FAT3: variants seen among roughly 807,000 people sequenced by gnomAD.
FAT3 encodes FAT atypical cadherin 3, also known as protocadherin Fat 3.
A neutral mutation model predicts 310.2 loss-of-function variants in FAT3; 95 were observed. The ratio of observed to expected loss-of-function variants is 0.31; its 90% CI spans 0.26 to 0.36. FAT3 has a LOEUF of 0.36. FAT3 is among the 10% of genes least tolerant of loss of function. FAT3 has a pLI of 1.00. For missense variants in FAT3, 5,408 were observed against 5,715.6 expected, an observed-to-expected ratio of 0.95 and a Z score of 1.74; for synonymous variants, 2,314 against 2,192.9, an observed-to-expected ratio of 1.06 and a Z score of -1.54.
chr11:92,661,836 T>A (rs1942794433), intron 3 of FAT3, among the ~76,000 whole-genome samples: 1 of 151,884 alleles, frequency 6.6e-6, no homozygotes, highest in Admixed American at 6.6e-5. Flanking sequence ...ATAGTTCAGG[T>A]GGAGATTGTG....
chr11:92,410,762 A>G (rs757928386), intron 2 of FAT3, among the ~76,000 whole-genome samples: 4 of 152,090 alleles, frequency 2.6e-5, no homozygotes, highest in Admixed American at 6.6e-5. Context: ...TTATTTGCTC[A>G]TTGACCTCCC....
chr11:92,359,997 T>G (rs1405281889), intron 2 of FAT3, among the ~76,000 whole-genome samples: 1 of 151,198 alleles, frequency 6.6e-6, no homozygotes, highest in African/African-American at 2.4e-5. Flanking sequence ...ATATACCCAG[T>G]AATGGGATGG....
intron 3 of FAT3, among the ~76,000 whole-genome samples, chr11:92,617,420 G>A (rs543525936): frequency 1.1e-4 from 16 of 152,196 alleles, no homozygotes; most frequent in South Asian, 2.1e-4. Flanking sequence ...AGATGGGTTC[G>A]AACTTCCCCC....
chr11:92,612,723 G>A (rs112630792), intron 3 of FAT3, among the ~76,000 whole-genome samples: 2 of 152,332 alleles, frequency 1.3e-5, no homozygotes, highest in African/African-American at 4.8e-5. Context: ...TCAAGGAAGT[G>A]CTGTGTGAAG....
At chr11:92,477,096 T>C (rs1952070133) in intron 2 of FAT3, among the ~76,000 whole-genome samples, 1 of 152,224 alleles carries the variant, frequency 6.6e-6, no homozygotes, top group African/African-American at 2.4e-5. Flanking sequence ...TTAATGAACT[T>C]TAGTAGTGAA....
At chr11:92,489,600 AAAG>A (rs1952541906) in intron 2 of FAT3, among the ~76,000 whole-genome samples, 2 of 152,090 alleles carry the variant, frequency 1.3e-5, no homozygotes, top group African/African-American at 4.8e-5. Flanking sequence ...AGTACAAAAA[AAAG>A]CAAAACATCT....
chr11:92,352,656 G>A lies in FAT3; in HGVS notation c.544G>A (p.Ala182Thr). The A allele has an allele frequency of 6.2e-7, 1 of 1,613,798 alleles. No homozygotes were observed. ...AAGGACTAGTGTTGCCCAGGTGACTGCAACAGACGCAGATATTGGTTCCAA... is the reference window on the plus strand; with the variant it reads ...AAGGACTAGTGTTGCCCAGGTGACTACAACAGACGCAGATATTGGTTCCAA... ...PLRTSVAQVT[A>T]TDADIGSNGE... Residue 182 changes from alanine to threonine, a missense_variant, in exon 2 of 28, where the codon GCA (alanine) becomes ACA (threonine). By Grantham distance (58) the Ala-to-Thr change is moderately conservative. Around this residue, in one of 5 missense-constraint regions of FAT3, gnomAD observed 4,588 missense variants for 4,809.8 expected, o/e 0.95. Coordinates refer to ENST00000525166, the MANE Select transcript of FAT3 (RefSeq NM_001367949.2).
chr11:92,323,618 A>T (rs1947686910), intron 1 of FAT3, among the ~76,000 whole-genome samples: 2 of 149,620 alleles, frequency 1.3e-5, no homozygotes, highest in South Asian at 4.2e-4. Context: ...AGTAGGTCTC[A>T]ACAATGAGCT....
At chr11:92,476,737 A>C (rs1188669796) in intron 2 of FAT3, among the ~76,000 whole-genome samples, 8 of 152,210 alleles carry the variant, frequency 5.3e-5, no homozygotes, top group African/African-American at 1.9e-4. Context: ...GAGAAAAGGG[A>C]GCCTCACATT....
At chr11:92,620,033 C>T (rs369448566) in intron 3 of FAT3, among the ~76,000 whole-genome samples, 55 of 152,142 alleles carry the variant, frequency 3.6e-4, no homozygotes, top group African/African-American at 1.3e-3. Flanking sequence ...TTGTGGGGTA[C>T]ATCTATGTTA....
chr11:92,632,525 G>A (rs1027861369), intron 3 of FAT3, among the ~76,000 whole-genome samples: 9 of 152,276 alleles, frequency 5.9e-5, no homozygotes, highest in East Asian at 1.9e-4. Flanking sequence ...TGTTGAACTC[G>A]ACCTGACTGC....
Position 92,493,621 on chromosome 11 carries a change from C to G in FAT3, c.3293-31013C>G, listed in dbSNP as rs1292763722. On this transcript the variant is annotated intron_variant, in intron 2 of 27. Transcript: ENST00000525166. Reference sequence around the variant, plus strand: ...GCTTCTTCCCATGTGTCACATAGCACTTGTAATACTTACAGTGTGTGTCCC... The same window carrying G: ...GCTTCTTCCCATGTGTCACATAGCAGTTGTAATACTTACAGTGTGTGTCCC... Among the ~76,000 whole-genome samples the G allele has an allele frequency of 2.6e-5, 4 of 152,054 alleles. No homozygotes were observed. In the East Asian group the frequency reaches 7.7e-4, roughly 29 times the overall value.
intron 4 of FAT3, among the ~76,000 whole-genome samples, chr11:92,705,265 A>G (rs1032733161): frequency 3.4e-4 from 51 of 151,832 alleles, no homozygotes; most frequent in Admixed American, 2.8e-3. Flanking sequence ...GGCCATTGAC[A>G]TTCCAAGTCT....
At chr11:92,225,398 G>A (rs897116679) in intron 1 of FAT3, among the ~76,000 whole-genome samples, 2 of 152,162 alleles carry the variant, frequency 1.3e-5, no homozygotes, top group Non-Finnish European at 2.9e-5. Flanking sequence ...GAAGAGGGTG[G>A]CTTGGCCCCG....
chr11:92,644,055 G>A (rs539162224), intron 3 of FAT3, among the ~76,000 whole-genome samples: 11 of 152,322 alleles, frequency 7.2e-5, no homozygotes, highest in African/African-American at 2.4e-4. Context: ...CCTTGTCAAT[G>A]CCTGGGTGCC....
chr11:92,448,475 A>G (rs978965334), intron 2 of FAT3, among the ~76,000 whole-genome samples: 10 of 152,160 alleles, frequency 6.6e-5, no homozygotes, highest in African/African-American at 2.2e-4. Context: ...ATTAAGACTG[A>G]CTTATCATTC....
chr11:92,807,414 T>A (rs1413319811), intron 12 of FAT3, among the ~76,000 whole-genome samples: 2 of 152,198 alleles, frequency 1.3e-5, no homozygotes, highest in African/African-American at 4.8e-5. Flanking sequence ...ATATGGGTAC[T>A]CTGGACCACA....
At chr11:92,778,969 A>G (rs77309312) in intron 7 of FAT3, among the ~76,000 whole-genome samples, 1 of 152,202 alleles carries the variant, frequency 6.6e-6, no homozygotes, top group Non-Finnish European at 1.5e-5. Flanking sequence ...GGGTACTACC[A>G]GTCTTAAACA....
chr11:92,456,415 A>G (rs1951493382), intron 2 of FAT3, among the ~76,000 whole-genome samples: 1 of 152,192 alleles, frequency 6.6e-6, no homozygotes, highest in South Asian at 2.1e-4. Context: ...GTTTTTAACC[A>G]TTTCACCAAT....
Sources: gnomAD v4.1 joint callset for allele counts (sites outside exome capture counted in the v4.1 genomes callset) on GRCh38, gnomAD v4.1.1 for gene constraint, gnomAD v4.1.1 regional missense constraint, MANE v1.5 for transcripts, NCBI Gene and HGNC (gene_info 2026-07-23, HGNC 2026-07-21) for gene names.